The following QRICH2 variants were observed in gnomAD, a reference collection of about 807,000 sequenced individuals.
QRICH2 encodes the protein glutamine-rich protein 2.
A neutral mutation model predicts 168.3 loss-of-function variants in QRICH2; 119 were observed. That is an observed-to-expected ratio of 0.71 (90% CI 0.61 to 0.82). QRICH2 has a LOEUF of 0.82. Among genes scored for constraint, QRICH2 ranks in the 40% least tolerant of loss-of-function variants. The pLI is 0.00. For missense variants in QRICH2, 2,241 were observed against 2,491.6 expected (o/e 0.90, Z 2.14); for synonymous variants, 894 against 951.2 (o/e 0.94, Z 1.11).
At position 76,278,127 on chromosome 17, in the gene QRICH2, C is replaced by A; in HGVS notation, c.4979G>T (p.Arg1660Leu). ...DLAQMEQSVG[R>L]LRSMHSKMLM... The stretch of plus-strand genomic sequence containing the variant: ...CATCTTGGAGTGCATGGAGCGCAGG[C>A]GCCCCACGCTCTGCTCCATCTGCGC... Residue 1660 changes from arginine (R) to leucine (L), a missense_variant, in exon 15 of 19, where the codon CGC becomes CTC. Arg to Leu is a moderately radical substitution (Grantham distance 102, BLOSUM62 -2). This residue lies in a region of QRICH2 where 2,047 missense variants were observed against 2,303.8 expected (regional missense o/e 0.89). Coordinates refer to ENST00000680821, the MANE Select transcript of QRICH2 (RefSeq NM_001388453.1). 3.1e-6 allele frequency: 5 copies of A among 1,612,986 alleles called. No homozygotes were observed. The highest frequency in any genetic ancestry group is 4.2e-6 in the Non-Finnish European group (5 of 1,180,024).
At chr17:76,287,999 T>A in intron 5 of QRICH2, 102 bp from the exon 6 acceptor site, 1 of 865,426 alleles carries the variant, frequency 1.2e-6, no homozygotes, top group Non-Finnish European at 2.0e-6. Context: ...TTCCCTCTAC[T>A]AACCCAACCC....
rs778680139 is a variant in QRICH2 at position 76,307,545 on chromosome 17, C to T, written c.454G>A (p.Glu152Lys). The T allele has an allele frequency of 1.3e-6, 2 of 1,594,582 alleles. No homozygotes were observed. The highest frequency in any genetic ancestry group is 2.3e-5 in the South Asian group (2 of 87,968). ...CTATCGAACGCCCGCACGCCCACCTCCTGCTCCTCCGGCCACTCTAGCGCG... is the reference window on the plus strand; with the variant it reads ...CTATCGAACGCCCGCACGCCCACCTTCTGCTCCTCCGGCCACTCTAGCGCG... ...LAALEWPEEQ[E>K]VGVRAFDRVR... Residue 152 changes from glutamate (E) to lysine (K), a missense_variant, in exon 1 of 19, where the codon GAG becomes AAG. Coordinates refer to ENST00000680821, the MANE Select transcript of QRICH2 (RefSeq NM_001388453.1). The surrounding 1 kb of genome is among the most constrained non-coding windows in gnomAD (Gnocchi z 5.3).
In QRICH2 at chr17:76,292,002, G is replaced by T. The variant is rs762758312; in HGVS notation, c.2725C>A (p.Leu909Met). Residue 909 changes from leucine (L) to methionine (M), a missense_variant, in exon 4 of 19, where the codon CTG (leucine) becomes ATG (methionine). Around this residue, in one of 3 missense-constraint regions of QRICH2, gnomAD observed 2,047 missense variants for 2,303.8 expected, o/e 0.89. Transcript: ENST00000680821. Reference protein sequence around the residue: ...PGLVQPGAGQLGMVQPGIGQQ... With the variant: ...PGLVQPGAGQMGMVQPGIGQQ... ...CCTATTCCAGGCTGCACCATACCCAGCTGACCTGCACCAGGCTGGACCAAA... is the reference window on the plus strand; with the variant it reads ...CCTATTCCAGGCTGCACCATACCCATCTGACCTGCACCAGGCTGGACCAAA... 11 of 1,614,098 alleles carry T rather than the reference G, an allele frequency of 6.8e-6. No individual in the cohort carries two copies. Among genetic ancestry groups the T allele is most frequent in the Non-Finnish European group, 9.3e-6 (11 of 1,180,048 alleles).
intron 3 of QRICH2, among the ~76,000 whole-genome samples, chr17:76,299,903 C>A (rs2070868727): frequency 6.6e-6 from 1 of 151,666 alleles, no homozygotes; most frequent in Non-Finnish European, 1.5e-5. Flanking sequence ...TCTCGGCTCA[C>A]TGCAACCTCC....
upstream of QRICH2, chr17:76,308,301 C>G: frequency 3.2e-5 from 32 of 985,430 alleles, no homozygotes; most frequent in Non-Finnish European, 3.9e-5. Context: ...CCCGCGTGCC[C>G]TGAAGATTCC....
Position 76,304,427 on chromosome 17 carries a change from T to C in QRICH2, c.693A>G (p.Arg231=). ...ELEQAITDGW[R]ASQAGSETLM... ...CCCACTGGTTCACCGCTTGTGAGGC[T>C]CTCCAGCCGTCCGTAATCGCCTGCT... The change falls in exon 3 of 19, where the codon AGA becomes AGG. Residue 231 remains arginine, a synonymous_variant. Transcript: ENST00000680821. The C allele has an allele frequency of 6.2e-7, 1 of 1,612,426 alleles. No homozygotes were observed.
At chr17:76,308,523 T>G, upstream of QRICH2, 1 of 984,102 alleles carries the variant, frequency 1.0e-6, no homozygotes, top group Non-Finnish European at 1.2e-6. Context: ...CAACCATGCT[T>G]TGTGTCATCA....
At chr17:76,297,444 T>C (rs1184241050) in intron 3 of QRICH2, among the ~76,000 whole-genome samples, 3 of 151,980 alleles carry the variant, frequency 2.0e-5, no homozygotes, top group African/African-American at 4.8e-5. Context: ...GAGGCGGAGA[T>C]TGCAGTGAGC....
rs755053348 is a variant in QRICH2 at position 76,290,081 on chromosome 17, T to C, written c.3713-4A>G. 1 of 1,609,100 alleles carries C rather than the reference T, an allele frequency of 6.2e-7. No homozygotes were observed. The highest frequency in any genetic ancestry group is 8.5e-7 in the Non-Finnish European group (1 of 1,176,328). ...TCAGGAGGTATGGTCCTTTTGACTATGGAAAGCAGAAGCCTTATGATCAGA... is the reference window on the plus strand; with the variant it reads ...TCAGGAGGTATGGTCCTTTTGACTACGGAAAGCAGAAGCCTTATGATCAGA... On this transcript the variant is annotated splice_region_variant and splice_polypyrimidine_tract_variant and intron_variant, in intron 4 of 18. Coordinates refer to ENST00000680821, the MANE Select transcript of QRICH2 (RefSeq NM_001388453.1).
Position 76,293,398 on chromosome 17 carries a change from C to T in QRICH2, c.1329G>A (p.Leu443=), listed in dbSNP as rs1292625386. The change falls in exon 4 of 19, where the codon TTG becomes TTA. Residue 443 remains leucine (L), a synonymous_variant. Coordinates refer to ENST00000680821, the MANE Select transcript of QRICH2 (RefSeq NM_001388453.1). ...GGTCTCTGCCAGGTACTGATGGTGG[C>T]AACATACGTTGCTCATCCACGACAA... ...IPFVVDEQRM[L]PPSVPGRDQQ... is the part of the protein sequence containing the mutation. 6.2e-7 allele frequency: 1 copy of T among 1,614,148 alleles called. No homozygotes were observed. Among genetic ancestry groups the T allele is most frequent in the Admixed American group, 1.7e-5 (1 of 60,016 alleles).
At position 76,280,547 on chromosome 17, in the gene QRICH2, C is replaced by T. The variant is rs1290836977; in HGVS notation, c.4462-96G>A. 1 of 1,593,872 alleles carries T rather than the reference C, an allele frequency of 6.3e-7. No individual in the cohort carries two copies. On this transcript the variant is annotated intron_variant, in intron 10 of 18. Transcript: ENST00000680821. This position sits in a 1 kb window ranked among gnomAD's most constrained non-coding sequence, Gnocchi z 7.4. ...TCGACCCCTATCACCAGGCAGGTTT[C>T]TGAGAGCCCACACTCGTCTCGCCAG...
intron 17 of QRICH2, 87 bp downstream of exon 17, chr17:76,276,593 T>C: frequency 2.2e-6 from 2 of 902,238 alleles, no homozygotes; most frequent in Non-Finnish European, 3.6e-6. Context: ...CAGGGTCTAG[T>C]GGCCCATAAA....
intron 7 of QRICH2, among the ~76,000 whole-genome samples, chr17:76,285,398 C>G (rs528685255): frequency 1.3e-5 from 2 of 151,780 alleles, no homozygotes; most frequent in South Asian, 4.2e-4. Flanking sequence ...TCCCAAAGTG[C>G]TGGGATTACA....
At chr17:76,276,042 G>A in intron 17 of QRICH2, 95 bp from the exon 18 acceptor site, 1 of 1,459,600 alleles carries the variant, frequency 6.9e-7, no homozygotes, top group Non-Finnish European at 9.3e-7. Flanking sequence ...AGGGCTGCTG[G>A]TCATGGCCGG....
rs761595297 is a variant in QRICH2, at chr17:76,280,614, G to T, written c.4461+40C>A. 1 of 1,610,614 alleles carries T rather than the reference G, an allele frequency of 6.2e-7. No individual in the cohort carries two copies. Among genetic ancestry groups the T allele is most frequent in the East Asian group, 2.2e-5 (1 of 44,870 alleles). ...CTCTCAAAGAACAGTCAGCGAGACC[G>T]CCCTGGGACACAGCGTGGCTCCTGG... On this transcript the variant is annotated intron_variant, in intron 10 of 18. Coordinates refer to ENST00000680821, the MANE Select transcript of QRICH2 (RefSeq NM_001388453.1). This position sits in a 1 kb window ranked among gnomAD's most constrained non-coding sequence, Gnocchi z 7.4.
rs2071016555 is a variant in QRICH2, at chr17:76,307,922, T to C, written c.77A>G (p.Asn26Ser). Residue 26 changes from asparagine (N) to serine (S), a missense_variant, in exon 1 of 19, where the codon AAC becomes AGC. Around this residue, in one of 3 missense-constraint regions of QRICH2, gnomAD observed 2,047 missense variants for 2,303.8 expected, o/e 0.89. Coordinates refer to ENST00000680821, the MANE Select transcript of QRICH2 (RefSeq NM_001388453.1). The surrounding 1 kb of genome is among the most constrained non-coding windows in gnomAD (Gnocchi z 5.3). ...GATGAGCGTGTGCAGGGCCGTGAAG[T>C]TGACGGCGCCCACCTCTGGCGTGCC... Reference protein sequence around the residue: ...SIGTPEVGAVNFTALHTLIVA... With the variant: ...SIGTPEVGAVSFTALHTLIVA... 1.6e-6 allele frequency: 2 copies of C among 1,237,282 alleles called. No homozygotes were observed. The highest frequency in any genetic ancestry group is 1.6e-5 in the African/African-American group (1 of 64,332). The allele number at this position is 1,237,282 out of a possible 1,614,324, so 76.6% of individuals were successfully genotyped here.
chr17:76,293,989 G>A lies in QRICH2; in HGVS notation c.738C>T (p.His246=), dbSNP rs779603040. 36 of 1,610,370 alleles carry A rather than the reference G, an allele frequency of 2.2e-5. No individual in the cohort carries two copies. The highest frequency in any genetic ancestry group is 1.8e-4 in the East Asian group (8 of 44,826). Residue 246 remains histidine (H), a synonymous_variant, in exon 4 of 19, where the codon CAC becomes CAT. Transcript: ENST00000680821. Reference sequence around the variant, plus strand: ...GTGATGTTAAGGAAGTGAACCCTCCGTGCTTAGAAAATCCCATAAGTGTTT... The same window carrying A: ...GTGATGTTAAGGAAGTGAACCCTCCATGCTTAGAAAATCCCATAAGTGTTT... The part of the protein sequence containing the change: ...GSETLMGFSK[H]GGFTSLTSPE...
intron 4 of QRICH2, 70 bp downstream of exon 4, chr17:76,290,945 G>T: frequency 6.4e-7 from 1 of 1,559,344 alleles, no homozygotes; most frequent in South Asian, 1.2e-5. Flanking sequence ...TTGAGGCCAG[G>T]GGAAGAAAAG....
rs144798771 is a variant in QRICH2 at position 76,276,629 on chromosome 17, C to T, written c.5353+51G>A. The T allele has an allele frequency of 5.9e-5, 83 of 1,408,356 alleles. 2 individuals carry two copies. In the South Asian group the frequency reaches 6.1e-4, roughly 10 times the overall value. The allele number at this position is 1,408,356 out of a possible 1,614,324, so 87.2% of individuals were successfully genotyped here. Reference sequence around the variant, plus strand: ...AGTGCCAGGCCCCACAATGGATGCACGCCCTGTGGGACCCACGTGAGGTGC... The same window carrying T: ...AGTGCCAGGCCCCACAATGGATGCATGCCCTGTGGGACCCACGTGAGGTGC... On this transcript the variant is annotated intron_variant, in intron 17 of 18. Transcript: ENST00000680821.
Sources: gnomAD v4.1 joint callset for allele counts (sites outside exome capture counted in the v4.1 genomes callset) on GRCh38, gnomAD v4.1.1 for gene constraint, gnomAD v4.1.1 regional missense constraint, Gnocchi (gnomAD v3.1) non-coding constraint, MANE v1.5 for transcripts, NCBI Gene and HGNC (gene_info 2026-07-23, HGNC 2026-07-21) for gene names.